ELMO1: variants seen among roughly 807,000 people sequenced by gnomAD.
The protein encoded by ELMO1 is engulfment and cell motility protein 1.
In ELMO1, 26 loss-of-function variants were observed where a neutral mutation model predicts 98.9. The ratio of observed to expected loss-of-function variants is 0.26; its 90% CI spans 0.19 to 0.36. ELMO1 has a LOEUF of 0.36. Among genes scored for constraint, ELMO1 ranks in the 10% least tolerant of loss-of-function variants. The pLI is 1.00. For missense variants in ELMO1, 627 were observed against 935.2 expected, an observed-to-expected ratio of 0.67 and a Z score of 4.30; for synonymous variants, 346 against 346.0, an observed-to-expected ratio of 1.00 and a Z score of 0.00.
intron 16 of ELMO1, among the ~76,000 whole-genome samples, chr7:36,913,980 T>C (rs1784512399): frequency 6.6e-6 from 1 of 152,348 alleles, no homozygotes; most frequent in Middle Eastern, 3.4e-3. Flanking sequence ...ACTGAAATTG[T>C]GCCATATTTT....
intron 1 of ELMO1, among the ~76,000 whole-genome samples, chr7:37,380,277 C>T (rs1370109704): frequency 6.6e-6 from 1 of 152,212 alleles, no homozygotes; most frequent in African/African-American, 2.4e-5. Flanking sequence ...AATTTGTATG[C>T]TTATTCATTT....
intron 1 of ELMO1, among the ~76,000 whole-genome samples, chr7:37,380,463 T>C (rs141202612): frequency 7.2e-4 from 110 of 152,360 alleles, no homozygotes; most frequent in Non-Finnish European, 1.1e-3. Flanking sequence ...TGGGATAGGA[T>C]GACCATATGA....
In ELMO1 at chr7:37,328,657, A is replaced by G. The variant is rs1799946843; in HGVS notation, c.79-12697T>C. ...CTTATTTGAAGTGCAATGTTTTAGCATCACCATATGAATAGTAGATGATCC... is the reference window on the plus strand; with the variant it reads ...CTTATTTGAAGTGCAATGTTTTAGCGTCACCATATGAATAGTAGATGATCC... On this transcript the variant is annotated intron_variant, in intron 2 of 21. Coordinates refer to ENST00000310758, the MANE Select transcript of ELMO1 (RefSeq NM_014800.11). Among the ~76,000 whole-genome samples the G allele has an allele frequency of 3.3e-5, 5 of 152,286 alleles. No individual in the cohort carries two copies. In the South Asian group the frequency reaches 1.0e-3, roughly 32 times the overall value.
At chr7:36,875,430 C>T (rs1803867914) in intron 19 of ELMO1, among the ~76,000 whole-genome samples, 1 of 152,042 alleles carries the variant, frequency 6.6e-6, no homozygotes, top group African/African-American at 2.4e-5. Context: ...TGGATAAATA[C>T]TTGTGCAGAT....
At chr7:37,069,336 A>G in intron 15 of ELMO1, among the ~76,000 whole-genome samples, 1 of 152,220 alleles carries the variant, frequency 6.6e-6, no homozygotes, top group East Asian at 1.9e-4. Flanking sequence ...AAGGAAAAGA[A>G]TATGTTTCTT....
intron 14 of ELMO1, among the ~76,000 whole-genome samples, chr7:37,104,658 A>T (rs541084359): frequency 6.6e-6 from 1 of 152,340 alleles, no homozygotes; most frequent in African/African-American, 2.4e-5. Context: ...AGGCCTTTGG[A>T]CAGGGCCAGT....
intron 16 of ELMO1, among the ~76,000 whole-genome samples, chr7:36,896,699 G>C (rs1159386947): frequency 1.3e-5 from 2 of 151,438 alleles, no homozygotes; most frequent in Non-Finnish European, 2.9e-5. Flanking sequence ...TTTTAACTTA[G>C]GCAAAATGCC....
rs537899514 is a variant in ELMO1, at chr7:37,163,714, C to T, written c.1087-30480G>A. 1.7e-3 allele frequency among the ~76,000 whole-genome samples: 258 copies of T among 152,284 alleles called. 2 individuals are homozygous for T. The highest frequency in any genetic ancestry group is 5.6e-3 in the African/African-American group (234 of 41,554). On this transcript the variant is annotated intron_variant, in intron 13 of 21. Coordinates refer to ENST00000310758, the MANE Select transcript of ELMO1 (RefSeq NM_014800.11). ...AGTATTCCATGGTGTATATGTGCCACGTTTTCTTAATCCAGTCTATCATTG... is the reference window on the plus strand; with the variant it reads ...AGTATTCCATGGTGTATATGTGCCATGTTTTCTTAATCCAGTCTATCATTG...
chr7:37,165,191 C>A (rs957362117), intron 13 of ELMO1, among the ~76,000 whole-genome samples: 1 of 152,178 alleles, frequency 6.6e-6, no homozygotes, highest in South Asian at 2.1e-4. Context: ...GATTTTGTAT[C>A]GTGAGACTCT....
rs1252031206 is a variant in ELMO1 at position 37,342,067 on chromosome 7, C to A, written c.78+546G>T. On this transcript the variant is annotated intron_variant, in intron 2 of 21. Coordinates refer to ENST00000310758, the MANE Select transcript of ELMO1 (RefSeq NM_014800.11). The surrounding 1 kb of genome is among the most constrained non-coding windows in gnomAD (Gnocchi z 4.3). ...TCAATAAACATTTGTTGAGTATTTA[C>A]TACATGGCAGACAATATGCTAGACA... 6.6e-6 allele frequency among the ~76,000 whole-genome samples: 1 copy of A among 152,108 alleles called. No individual in the cohort carries two copies. Among genetic ancestry groups the A allele is most frequent in the Non-Finnish European group, 1.5e-5 (1 of 68,022 alleles).
At chr7:37,081,021 A>G (rs1356757758) in intron 15 of ELMO1, among the ~76,000 whole-genome samples, 1 of 152,080 alleles carries the variant, frequency 6.6e-6, no homozygotes, top group African/African-American at 2.4e-5. Flanking sequence ...ACCATATGAC[A>G]TACTTCTTTA....
intron 12 of ELMO1, among the ~76,000 whole-genome samples, chr7:37,211,759 T>C (rs1025471742): frequency 6.6e-6 from 1 of 152,206 alleles, no homozygotes; most frequent in Admixed American, 6.5e-5. Flanking sequence ...CAAGTAGTTA[T>C]CTGGAGCACG....
intron 1 of ELMO1, among the ~76,000 whole-genome samples, chr7:37,417,302 A>T (rs149323660): frequency 3.6e-4 from 55 of 152,320 alleles, no homozygotes; most frequent in Middle Eastern, 3.4e-3. Context: ...AAACGAGGTC[A>T]TTTGGGCAGG....
intron 1 of ELMO1, among the ~76,000 whole-genome samples, chr7:37,448,420 C>T (rs1021897435): frequency 6.6e-6 from 1 of 152,080 alleles, no homozygotes; most frequent in Non-Finnish European, 1.5e-5. Context: ...CCCACTCCCA[C>T]TCCCGCCATC....
intron 11 of ELMO1, among the ~76,000 whole-genome samples, chr7:37,215,891 C>G (rs1443068807): frequency 6.6e-6 from 1 of 152,196 alleles, no homozygotes; most frequent in African/African-American, 2.4e-5. Context: ...AATAATAAAA[C>G]CTGCATTTGA....
intron 14 of ELMO1, among the ~76,000 whole-genome samples, chr7:37,102,884 G>A (rs932591478): frequency 3.3e-5 from 5 of 152,182 alleles, no homozygotes; most frequent in African/African-American, 1.2e-4. Context: ...AAAGCTTTGA[G>A]CAGGAAAGGC....
At chr7:37,163,904 A>G (rs1475857722) in intron 13 of ELMO1, among the ~76,000 whole-genome samples, 1 of 152,194 alleles carries the variant, frequency 6.6e-6, no homozygotes, top group African/African-American at 2.4e-5. Context: ...ATCCCTGAAG[A>G]ATCGCCACAC....
chr7:37,224,533 C>G (rs1169272603), intron 9 of ELMO1, among the ~76,000 whole-genome samples: 1 of 152,176 alleles, frequency 6.6e-6, no homozygotes, highest in Non-Finnish European at 1.5e-5. Flanking sequence ...CATTAACTTA[C>G]ATGGTTTAAG....
intron 16 of ELMO1, among the ~76,000 whole-genome samples, chr7:36,915,753 A>C (rs1784642737): frequency 1.3e-5 from 2 of 152,218 alleles, no homozygotes; most frequent in African/African-American, 4.8e-5. Context: ...TGACCTGATC[A>C]ATAAGGAGGA....
Sources: allele counts gnomAD v4.1 joint callset (sites outside exome capture counted in the v4.1 genomes callset), GRCh38; gene constraint gnomAD v4.1.1; non-coding constraint Gnocchi (gnomAD v3.1); transcripts MANE v1.5; gene names NCBI Gene and HGNC (gene_info 2026-07-23, HGNC 2026-07-21).